Variants in RBM6 observed in about 807,000 individuals in gnomAD.
RBM6 encodes the protein RNA binding motif protein 6.
A neutral mutation model predicts 140.4 loss-of-function variants in RBM6; 23 were observed. The observed-to-expected ratio is 0.16, with a 90% CI of 0.12 to 0.23. RBM6 has a LOEUF of 0.23. Among genes scored for constraint, RBM6 ranks in the 10% least tolerant of loss-of-function variants. The pLI, the probability that RBM6 is intolerant of heterozygous loss-of-function variation, is 1.00. For missense variants in RBM6, 1,139 were observed against 1,386.7 expected, an observed-to-expected ratio of 0.82 and a Z score of 2.84; for synonymous variants, 439 against 475.6, an observed-to-expected ratio of 0.92 and a Z score of 1.00.
intron 6 of RBM6, among the ~76,000 whole-genome samples, chr3:50,034,542 C>T (rs2088394035): frequency 6.6e-6 from 1 of 152,098 alleles, no homozygotes; most frequent in African/African-American, 2.4e-5. Flanking sequence ...CGGCAGATCA[C>T]TTGAGGTCAG....
At chr3:50,075,975 T>C (rs957108322) in intron 20 of RBM6, among the ~76,000 whole-genome samples, 4 of 147,952 alleles carry the variant, frequency 2.7e-5, no homozygotes, top group Non-Finnish European at 6.0e-5. Context: ...ATTCTTTTCT[T>C]TTTTTTTTTT....
chr3:49,985,176 TA>T (rs1364248822), intron 5 of RBM6, among the ~76,000 whole-genome samples: 2 of 152,196 alleles, frequency 1.3e-5, no homozygotes, highest in Non-Finnish European at 2.9e-5. Flanking sequence ...GTACTTCTGC[TA>T]CAGTGACAAG....
At chr3:50,023,271 A>G (rs570744760) in intron 6 of RBM6, among the ~76,000 whole-genome samples, 2 of 150,856 alleles carry the variant, frequency 1.3e-5, no homozygotes, top group Non-Finnish European at 3.0e-5. Flanking sequence ...TGCTTTTATA[A>G]AGTCTTAGCT....
intron 10 of RBM6, chr3:50,058,915 CAA>C (rs200216165): frequency 1.4e-3 from 117 of 81,786 alleles, no homozygotes; most frequent in South Asian, 3.7e-3. Flanking sequence ...GACTCTGTCT[CAA>C]AAAAAAAAAA....
At chr3:49,942,625 G>A (rs991727111) in intron 1 of RBM6, among the ~76,000 whole-genome samples, 3 of 152,066 alleles carry the variant, frequency 2.0e-5, no homozygotes, top group Admixed American at 1.3e-4. Flanking sequence ...GGGCATGGTG[G>A]CTCACGCCTG....
At chr3:50,020,152 G>A (rs1287770075) in intron 6 of RBM6, among the ~76,000 whole-genome samples, 1 of 151,892 alleles carries the variant, frequency 6.6e-6, no homozygotes, top group Non-Finnish European at 1.5e-5. Context: ...GGAACTCCTG[G>A]GCGGGCTCAA....
At chr3:49,949,246 TAAAAAGAATAGG>T (rs1196573571) in intron 1 of RBM6, among the ~76,000 whole-genome samples, 2 of 152,088 alleles carry the variant, frequency 1.3e-5, no homozygotes, top group Non-Finnish European at 2.9e-5. Flanking sequence ...AATTATGAAA[TAAAAAGAATAGG>T]TCTTGTTGAT....
At chr3:50,034,307 A>G (rs1283495482) in intron 6 of RBM6, among the ~76,000 whole-genome samples, 5 of 151,438 alleles carry the variant, frequency 3.3e-5, no homozygotes, top group Non-Finnish European at 7.4e-5. Context: ...GTGGTGTTTC[A>G]TTTTCTTTTC....
rs749116259 is a variant in RBM6 at position 49,966,800 on chromosome 3, A to T, written c.45-670A>T. Among the ~76,000 whole-genome samples, 72 of 152,086 alleles carry T rather than the reference A, an allele frequency of 4.7e-4. 1 individual carries two copies. The highest frequency in any genetic ancestry group is 7.8e-4 in the Non-Finnish European group (53 of 67,970). ...TGTGATACCCTTGGGTAGTTATAAT[A>T]GGACCCAGGTTAGAGTGCTTCTTGG... On this transcript the variant is annotated intron_variant, in intron 2 of 20. Transcript: ENST00000266022.
chr3:49,958,939 G>C (rs1485801400), intron 1 of RBM6, among the ~76,000 whole-genome samples: 2 of 151,832 alleles, frequency 1.3e-5, no homozygotes, highest in African/African-American at 4.8e-5. Flanking sequence ...GGGATTAGGG[G>C]TGCCTGCTAC....
intron 5 of RBM6, among the ~76,000 whole-genome samples, chr3:49,992,105 C>T (rs1256871698): frequency 6.6e-5 from 10 of 152,024 alleles, no homozygotes; most frequent in South Asian, 2.1e-4. Flanking sequence ...GTGTGTACCA[C>T]GACACCTGGC....
chr3:50,058,553 C>T lies in RBM6; in HGVS notation c.2121C>T (p.Asp707=), dbSNP rs1369411377. The T allele has an allele frequency of 1.9e-6, 3 of 1,607,218 alleles. No homozygotes were observed. Among genetic ancestry groups the T allele is most frequent in the African/African-American group, 1.3e-5 (1 of 74,890 alleles). The change falls in exon 10 of 21, where the codon GAC becomes GAT. Residue 707 remains aspartate (D), a synonymous_variant. Transcript: ENST00000266022. Reference sequence around the variant, plus strand: ...ATACCTATGGCTTTATTGACCTCGACTCCCATGCGGTGAGTTTCCTCCACC... The same window carrying T: ...ATACCTATGGCTTTATTGACCTCGATTCCCATGCGGTGAGTTTCCTCCACC... ...MGHTYGFIDL[D]SHAEALRVVK...
At chr3:49,955,609 G>C (rs2083944907) in intron 1 of RBM6, among the ~76,000 whole-genome samples, 1 of 152,090 alleles carries the variant, frequency 6.6e-6, no homozygotes, top group Non-Finnish European at 1.5e-5. Flanking sequence ...TTGGGAGGCT[G>C]AGGCGGGTGG....
At position 49,967,667 on chromosome 3, in the gene RBM6, C is replaced by G; in HGVS notation, c.242C>G (p.Pro81Arg). Residue 81 changes from proline to arginine, a missense_variant, in exon 3 of 21, where the codon CCG (proline) becomes CGG (arginine). Around this residue, in one of 9 missense-constraint regions of RBM6, gnomAD observed 566 missense variants for 612.7 expected, o/e 0.92. Transcript: ENST00000266022. The surrounding 1 kb of genome is among the most constrained non-coding windows in gnomAD (Gnocchi z 4.0). Reference protein sequence around the residue: ...HSFSYGARDGPHGDYRGGEGP... With the variant: ...HSFSYGARDGRHGDYRGGEGP... ...TTCAGCTATGGAGCTAGAGACGGACCGCATGGTGACTATCGAGGAGGGGAG... is the reference window on the plus strand; with the variant it reads ...TTCAGCTATGGAGCTAGAGACGGACGGCATGGTGACTATCGAGGAGGGGAG... 1 of 1,614,026 alleles carries G rather than the reference C, an allele frequency of 6.2e-7. No homozygotes were observed. The highest frequency in any genetic ancestry group is 1.3e-5 in the African/African-American group (1 of 74,994).
intron 1 of RBM6, among the ~76,000 whole-genome samples, chr3:49,954,877 G>C (rs1056490944): frequency 6.6e-6 from 1 of 151,270 alleles, no homozygotes; most frequent in East Asian, 2.0e-4. Flanking sequence ...TCCTGCCTCA[G>C]CCTCCCCAGC....
At chr3:49,957,610 G>A (rs765861411) in intron 1 of RBM6, among the ~76,000 whole-genome samples, 2 of 152,064 alleles carry the variant, frequency 1.3e-5, no homozygotes, top group Non-Finnish European at 2.9e-5. Flanking sequence ...AAGTTCCATA[G>A]TATACAAATC....
intron 3 of RBM6, among the ~76,000 whole-genome samples, chr3:49,970,226 C>T (rs775093906): frequency 2.8e-4 from 42 of 152,210 alleles, no homozygotes; most frequent in East Asian, 5.8e-4. Context: ...CAGGCATGCA[C>T]CACCATGCCT....
intron 6 of RBM6, among the ~76,000 whole-genome samples, chr3:50,000,405 C>G (rs1260325617): frequency 6.7e-6 from 1 of 149,110 alleles, no homozygotes; most frequent in East Asian, 1.9e-4. Flanking sequence ...TACAGTGGGC[C>G]CAGAATCTTT....
At chr3:50,072,083 CA>C (rs974465674) in intron 19 of RBM6, among the ~76,000 whole-genome samples, 5,258 of 41,490 alleles carry the variant, frequency 0.13, 47 homozygotes, top group Non-Finnish European at 0.14. Flanking sequence ...GACTCTGTCT[CA>C]AAAAAAAAAA....
Sources: allele counts gnomAD v4.1 joint callset (sites outside exome capture counted in the v4.1 genomes callset), GRCh38; gene constraint gnomAD v4.1.1; regional missense constraint gnomAD v4.1.1; non-coding constraint Gnocchi (gnomAD v3.1); transcripts MANE v1.5; gene names NCBI Gene and HGNC (gene_info 2026-07-23, HGNC 2026-07-21).